The following FAM120A variants were observed in gnomAD, a reference collection of about 807,000 sequenced individuals.
The protein encoded by FAM120A is constitutive coactivator of PPAR-gamma-like protein 1.
Under a neutral mutation model 109.7 loss-of-function variants are expected in FAM120A, and 15 were observed. The observed-to-expected ratio is 0.14, with a 90% CI of 0.09 to 0.21. The LOEUF is 0.21. FAM120A is among the 10% of genes least tolerant of loss of function. FAM120A has a pLI of 1.00. For synonymous variants in FAM120A, 493 were observed against 572.8 expected (o/e 0.86, Z 1.99); for missense variants, 899 against 1,439.3 (o/e 0.62, Z 6.07).
chr9:93,531,531 G>C (rs2131474202), intron 9 of FAM120A: 1 of 152,430 alleles, frequency 6.6e-6, no homozygotes, highest in Non-Finnish European at 1.5e-5. Context: ...GTCAGATGCA[G>C]TTCTTGCCGT....
At chr9:93,545,016 C>T (rs1045366679) in intron 11 of FAM120A, among the ~76,000 whole-genome samples, 5 of 152,250 alleles carry the variant, frequency 3.3e-5, no homozygotes, top group African/African-American at 1.2e-4. Context: ...GGGCCTTCAG[C>T]TCACTGCACC....
chr9:93,505,057 T>TG (rs1486372343), intron 5 of FAM120A, among the ~76,000 whole-genome samples: 1 of 65,476 alleles, frequency 1.5e-5, no homozygotes, highest in Admixed American at 1.8e-4. Flanking sequence ...TTGTGTTTTT[T>TG]TTTTTTTTTT....
Position 93,452,805 on chromosome 9 carries a change from T to G in FAM120A, c.474+416T>G. On this transcript the variant is annotated intron_variant, in intron 1 of 17. Coordinates refer to ENST00000277165, the MANE Select transcript of FAM120A (RefSeq NM_014612.5). This position sits in a 1 kb window ranked among gnomAD's most constrained non-coding sequence, Gnocchi z 7.0. ...GTTCTTTCCCAGCAACAGGTTCATC[T>G]TGGAAGCAGGCAGGATACAGAGTAA... 1 of 1,586,298 alleles carries G rather than the reference T, an allele frequency of 6.3e-7. No individual in the cohort carries two copies. The highest frequency in any genetic ancestry group is 1.3e-5 in the African/African-American group (1 of 74,476).
At chr9:93,493,830 A>C (rs961456851) in intron 3 of FAM120A, among the ~76,000 whole-genome samples, 1 of 151,792 alleles carries the variant, frequency 6.6e-6, no homozygotes, top group African/African-American at 2.4e-5. Context: ...TTGGCTTCGC[A>C]GTCAGCCAGC....
intron 7 of FAM120A, among the ~76,000 whole-genome samples, chr9:93,522,232 A>T (rs10821150): frequency 0.27 from 41,198 of 152,048 alleles, 6,881 homozygotes; most frequent in East Asian, 0.42. Context: ...TCTTTTTTCT[A>T]ATTATCATCT....
intron 12 of FAM120A, among the ~76,000 whole-genome samples, chr9:93,554,180 C>CACACA (rs1862210562): frequency 6.7e-6 from 1 of 148,990 alleles, no homozygotes; most frequent in South Asian, 2.1e-4. Context: ...CACACACACA[C>CACACA]TAGCCTTGCT....
At chr9:93,536,780 GA>G (rs576973637) in intron 10 of FAM120A, among the ~76,000 whole-genome samples, 23 of 152,172 alleles carry the variant, frequency 1.5e-4, no homozygotes, top group African/African-American at 4.6e-4. Flanking sequence ...AAAAGAAAAA[GA>G]AAAAAAATTC....
chr9:93,542,512 G>C (rs17533025), intron 10 of FAM120A, among the ~76,000 whole-genome samples: 35 of 152,288 alleles, frequency 2.3e-4, no homozygotes, highest in Admixed American at 4.6e-4. Context: ...AACATCTGTG[G>C]ATAAAAGGTA....
intron 7 of FAM120A, 97 bp from the exon 8 acceptor site, chr9:93,527,058 T>C (rs145481224): frequency 1.2e-6 from 1 of 858,214 alleles, no homozygotes; most frequent in African/African-American, 1.7e-5. Context: ...AAAAGTATTG[T>C]TATTATGAGC....
intron 1 of FAM120A, among the ~76,000 whole-genome samples, chr9:93,465,989 A>G (rs1857998061): frequency 6.6e-6 from 1 of 152,192 alleles, no homozygotes; most frequent in South Asian, 2.1e-4. Flanking sequence ...AGAATAGCCC[A>G]GAGGTGCAGG....
At chr9:93,483,647 A>G (rs1207301410) in intron 3 of FAM120A, among the ~76,000 whole-genome samples, 2 of 152,210 alleles carry the variant, frequency 1.3e-5, no homozygotes, top group African/African-American at 4.8e-5. Flanking sequence ...ACCACTTTAG[A>G]CAGATTGATA....
chr9:93,452,369 C>T lies in FAM120A; in HGVS notation c.454C>T (p.Leu152Phe). 1 of 1,610,166 alleles carries T rather than the reference C, an allele frequency of 6.2e-7. No homozygotes were observed. The highest frequency in any genetic ancestry group is 8.5e-7 in the Non-Finnish European group (1 of 1,178,832). ...VCMAHCIRLALIRFHVKVAQS... is the reference protein window; with the variant it reads ...VCMAHCIRLAFIRFHVKVAQS... ...CATGGCCCACTGCATCCGCCTGGCGCTCATCCGCTTCCACGTCAAGGTGAG... is the reference window on the plus strand; with the variant it reads ...CATGGCCCACTGCATCCGCCTGGCGTTCATCCGCTTCCACGTCAAGGTGAG... Residue 152 changes from leucine to phenylalanine, a missense_variant, in exon 1 of 18, where the codon CTC becomes TTC. By Grantham distance (22) the Leu-to-Phe change is conservative. Coordinates refer to ENST00000277165, the MANE Select transcript of FAM120A (RefSeq NM_014612.5). The surrounding 1 kb of genome is among the most constrained non-coding windows in gnomAD (Gnocchi z 7.0).
chr9:93,502,935 C>T (rs772279482), intron 5 of FAM120A, among the ~76,000 whole-genome samples: 1 of 152,238 alleles, frequency 6.6e-6, no homozygotes, highest in Non-Finnish European at 1.5e-5. Flanking sequence ...ACTGAGGTCT[C>T]ACCTCAGATC....
At chr9:93,479,769 C>G (rs919975768) in intron 3 of FAM120A, among the ~76,000 whole-genome samples, 3 of 152,198 alleles carry the variant, frequency 2.0e-5, no homozygotes, top group Non-Finnish European at 4.4e-5. Context: ...TTACCAATTT[C>G]ACTACATGCA....
chr9:93,533,569 C>G (rs1483199876), intron 10 of FAM120A, among the ~76,000 whole-genome samples: 1 of 152,134 alleles, frequency 6.6e-6, no homozygotes, highest in Non-Finnish European at 1.5e-5. Flanking sequence ...TTCAATGTAC[C>G]TGTTTTCATT....
At chr9:93,455,006 A>C (rs1857488472) in intron 1 of FAM120A, among the ~76,000 whole-genome samples, 1 of 152,232 alleles carries the variant, frequency 6.6e-6, no homozygotes, top group South Asian at 2.1e-4. Context: ...AGTTAAACAT[A>C]CATTTATCAT....
At chr9:93,541,875 A>AT (rs1402906546) in intron 10 of FAM120A, among the ~76,000 whole-genome samples, 4 of 151,884 alleles carry the variant, frequency 2.6e-5, no homozygotes, top group South Asian at 2.1e-4. Context: ...GTATTTAAGC[A>AT]TTTTTTTTCT....
intron 2 of FAM120A, among the ~76,000 whole-genome samples, chr9:93,475,581 A>C (rs1396254600): frequency 1.3e-5 from 2 of 152,258 alleles, no homozygotes; most frequent in East Asian, 3.8e-4. Context: ...GCATACGAAC[A>C]TTATTATGAA....
At chr9:93,559,454 G>A (rs1862401054) in intron 15 of FAM120A, among the ~76,000 whole-genome samples, 1 of 152,230 alleles carries the variant, frequency 6.6e-6, no homozygotes, top group South Asian at 2.1e-4. Flanking sequence ...GATCAACAAT[G>A]TTTTTCCAAC....
Sources: gnomAD v4.1 joint callset for allele counts (sites outside exome capture counted in the v4.1 genomes callset) on GRCh38, gnomAD v4.1.1 for gene constraint, Gnocchi (gnomAD v3.1) non-coding constraint, MANE v1.5 for transcripts, NCBI Gene and HGNC (gene_info 2026-07-23, HGNC 2026-07-21) for gene names.